SLC39A8: variants seen among roughly 807,000 people sequenced by gnomAD.
SLC39A8 encodes metal cation symporter ZIP8.
Under a neutral mutation model 40.4 loss-of-function variants are expected in SLC39A8, and 15 were observed. The ratio of observed to expected loss-of-function variants is 0.37; its 90% CI spans 0.25 to 0.57. The LOEUF (loss-of-function observed/expected upper bound fraction) is 0.57. SLC39A8 is among the 20% of genes least tolerant of loss of function. The pLI, the probability that SLC39A8 is intolerant of heterozygous loss-of-function variation, is 0.75. For missense variants in SLC39A8, 472 were observed against 558.8 expected (o/e 0.84, Z 1.57); for synonymous variants, 223 against 221.6 (o/e 1.01, Z -0.06).
chr4:102,325,100 C>T (rs946684983), intron 2 of SLC39A8, among the ~76,000 whole-genome samples: 7 of 151,860 alleles, frequency 4.6e-5, no homozygotes, highest in Admixed American at 3.3e-4. Context: ...TATATGTATA[C>T]ATATATACAC....
At position 102,262,882 on chromosome 4, in the gene SLC39A8, T is replaced by C; in HGVS notation, c.*162A>G. The C allele has an allele frequency of 3.6e-6, 5 of 1,382,228 alleles. No individual in the cohort carries two copies. In the South Asian group the frequency reaches 9.0e-5, roughly 25 times the overall value. 85.6% of individuals were successfully genotyped at this position (1,382,228 alleles called of 1,614,324 possible). A position where few individuals can be genotyped will look rare whatever the true frequency, so the allele number is the denominator to read the frequency against. On this transcript the variant is annotated 3_prime_UTR_variant, in exon 9 of 9. Coordinates refer to ENST00000356736, the MANE Select transcript of SLC39A8 (RefSeq NM_001135146.2). ...CTTTTGAAGCATTTTTAACAACAAA[T>C]AATGGACTATTTCACAGACTGATGC...
chr4:102,327,719 G>A (rs898050694), intron 2 of SLC39A8, among the ~76,000 whole-genome samples: 2 of 152,076 alleles, frequency 1.3e-5, no homozygotes, highest in African/African-American at 4.8e-5. Flanking sequence ...ATAAGTCCTT[G>A]GACACATAAG....
At chr4:102,283,396 G>A (rs1372886786) in intron 6 of SLC39A8, among the ~76,000 whole-genome samples, 1 of 152,156 alleles carries the variant, frequency 6.6e-6, no homozygotes, top group Non-Finnish European at 1.5e-5. Flanking sequence ...GAATTAAGTA[G>A]CTTGTTGCTA....
At chr4:102,328,172 C>T (rs1735298544) in intron 2 of SLC39A8, among the ~76,000 whole-genome samples, 1 of 152,092 alleles carries the variant, frequency 6.6e-6, no homozygotes, top group African/African-American at 2.4e-5. Flanking sequence ...TAATTGGACC[C>T]ATGGAAATGC....
intron 8 of SLC39A8, among the ~76,000 whole-genome samples, chr4:102,265,654 G>A (rs1419409276): frequency 3.3e-5 from 5 of 152,204 alleles, no homozygotes; most frequent in African/African-American, 1.2e-4. Context: ...TCCTGTAATA[G>A]AATGCTGGGA....
exon 12 of SLC39A8, chr4:102,253,315 C>G (rs923219452): frequency 1.7e-6 from 1 of 602,648 alleles, no homozygotes; most frequent in Non-Finnish European, 3.0e-6. Context: ...CACAGCATCA[C>G]GTCTCAATGG....
chr4:102,340,475 A>G (rs980966384), intron 2 of SLC39A8, among the ~76,000 whole-genome samples: 1 of 152,230 alleles, frequency 6.6e-6, no homozygotes, highest in Admixed American at 6.5e-5. Context: ...ATACCAGAGC[A>G]TAATCAGGTA....
intron 6 of SLC39A8, among the ~76,000 whole-genome samples, chr4:102,290,666 G>T (rs1733392004): frequency 6.7e-6 from 1 of 149,820 alleles, no homozygotes; most frequent in Non-Finnish European, 1.5e-5. Flanking sequence ...TCAACAATTT[G>T]GCCCCTGAAA....
At chr4:102,270,382 T>G (rs1373757758) in intron 6 of SLC39A8, among the ~76,000 whole-genome samples, 2 of 152,210 alleles carry the variant, frequency 1.3e-5, no homozygotes, top group Non-Finnish European at 2.9e-5. Flanking sequence ...GTTATACATT[T>G]TTAATAGTTT....
chr4:102,328,835 T>C (rs986912964), intron 2 of SLC39A8, among the ~76,000 whole-genome samples: 6 of 151,836 alleles, frequency 4.0e-5, no homozygotes, highest in Admixed American at 3.9e-4. Flanking sequence ...ACCATCCTGG[T>C]TAACACGGTG....
At chr4:102,260,130 G>A (rs1050868414), downstream of SLC39A8, among the ~76,000 whole-genome samples, 9 of 152,266 alleles carry the variant, frequency 5.9e-5, no homozygotes, top group African/African-American at 2.2e-4. Flanking sequence ...AAAGTGACAA[G>A]GGATTGATCT....
At chr4:102,270,101 A>C (rs1377937905) in intron 6 of SLC39A8, among the ~76,000 whole-genome samples, 1 of 152,188 alleles carries the variant, frequency 6.6e-6, no homozygotes, top group African/African-American at 2.4e-5. Flanking sequence ...GATTATTTTG[A>C]ATTAAAGCAG....
chr4:102,268,101 T>C (rs199709965), intron 6 of SLC39A8, 22 bp from the exon 7 acceptor site: 2 of 1,612,296 alleles, frequency 1.2e-6, no homozygotes, highest in Admixed American at 1.7e-5. Flanking sequence ...TCAATTAAAA[T>C]GATAACCAAC....
intron 6 of SLC39A8, among the ~76,000 whole-genome samples, chr4:102,299,691 A>G (rs1733833455): frequency 6.6e-6 from 1 of 152,078 alleles, no homozygotes; most frequent in African/African-American, 2.4e-5. Context: ...AACTTTACAC[A>G]TAAAATTCAC....
intron 6 of SLC39A8, among the ~76,000 whole-genome samples, chr4:102,279,024 A>G (rs1319178727): frequency 6.6e-6 from 1 of 152,122 alleles, no homozygotes; most frequent in African/African-American, 2.4e-5. Context: ...GAGGGATAGC[A>G]TTAGGAGAAA....
At position 102,262,320 on chromosome 4, in the gene SLC39A8, A is replaced by AAG; in HGVS notation, c.*723_*724insCT. 1 of 985,618 alleles carries AAG rather than the reference A, an allele frequency of 1.0e-6. No homozygotes were observed. The highest frequency in any genetic ancestry group is 1.2e-6 in the Non-Finnish European group (1 of 829,924). The allele number at this position is 985,618 out of a possible 1,614,324, so 61.1% of individuals were successfully genotyped here. The stretch of plus-strand genomic sequence containing the variant: ...TGCCATTTGTGAGGGGTGCAACCAC[A>AAG]ACATAAGTCAGAAAAAAAGCTATCC... On this transcript the variant is annotated 3_prime_UTR_variant, in exon 9 of 9. Transcript: ENST00000356736.
intron 6 of SLC39A8, among the ~76,000 whole-genome samples, chr4:102,279,088 A>G (rs1448883095): frequency 6.6e-6 from 1 of 151,978 alleles, no homozygotes; most frequent in Non-Finnish European, 1.5e-5. Context: ...TGGCACATGT[A>G]TACCTATATA....
intron 6 of SLC39A8, among the ~76,000 whole-genome samples, chr4:102,279,674 G>A: frequency 6.6e-6 from 1 of 152,158 alleles, no homozygotes; most frequent in Non-Finnish European, 1.5e-5. Flanking sequence ...ACCAGCTCCA[G>A]AAGTGAGCTG....
rs143287875 is a variant in SLC39A8 at position 102,305,004 on chromosome 4, T to C, written c.660A>G (p.Leu220=). 2.7e-5 allele frequency: 43 copies of C among 1,605,552 alleles called. No individual in the cohort carries two copies. The African/African-American group carries it at 5.0e-4, about 19-fold the overall frequency. ...GTCCATTTACCTGACCATATGTCTT[T>C]AATAACATCTTTAGCATTCTTTCAA... ...FFFERMLKML[L]KTYGQNGHTH... The change falls in exon 5 of 9, where the codon TTA becomes TTG. Residue 220 remains leucine (L), a synonymous_variant. Coordinates refer to ENST00000356736, the MANE Select transcript of SLC39A8 (RefSeq NM_001135146.2).
Sources: allele counts gnomAD v4.1 joint callset (sites outside exome capture counted in the v4.1 genomes callset), GRCh38; gene constraint gnomAD v4.1.1; transcripts MANE v1.5; gene names NCBI Gene and HGNC (gene_info 2026-07-23, HGNC 2026-07-21).